ARHGAP15: variants seen among roughly 807,000 people sequenced by gnomAD.
ARHGAP15 encodes the protein Rho GTPase activating protein 15, also known as rho GTPase-activating protein 15.
In ARHGAP15, 51 loss-of-function variants were observed where a neutral mutation model predicts 63.7. The ratio of observed to expected loss-of-function variants is 0.80; its 90% CI spans 0.64 to 1.01. ARHGAP15 has a LOEUF of 1.01. Among genes scored for constraint, ARHGAP15 ranks in the 50% least tolerant of loss-of-function variants. The pLI, the probability that ARHGAP15 is intolerant of heterozygous loss-of-function variation, is 0.00. For synonymous variants in ARHGAP15, 191 were observed against 193.8 expected (o/e 0.99, Z 0.12); for missense variants, 560 against 564.6 (o/e 0.99, Z 0.08).
At chr2:143,593,529 T>C (rs546683162) in intron 11 of ARHGAP15, among the ~76,000 whole-genome samples, 1 of 152,334 alleles carries the variant, frequency 6.6e-6, no homozygotes, top group Admixed American at 6.5e-5. Flanking sequence ...TTGTTAGGTT[T>C]ATAGGATTCA....
At chr2:143,187,581 G>C (rs560185068) in intron 2 of ARHGAP15, among the ~76,000 whole-genome samples, 3 of 152,330 alleles carry the variant, frequency 2.0e-5, no homozygotes, top group Non-Finnish European at 4.4e-5. Flanking sequence ...CCATCTTGTA[G>C]ATGAGGAGAC....
At chr2:143,333,085 T>C (rs1043185111) in intron 6 of ARHGAP15, among the ~76,000 whole-genome samples, 1 of 151,996 alleles carries the variant, frequency 6.6e-6, no homozygotes, top group African/African-American at 2.4e-5. Context: ...ATATTCTATA[T>C]AATTAAATAA....
intron 5 of ARHGAP15, among the ~76,000 whole-genome samples, chr2:143,242,700 T>C (rs920107319): frequency 6.6e-6 from 1 of 152,224 alleles, no homozygotes; most frequent in African/African-American, 2.4e-5. Flanking sequence ...TATATTCATA[T>C]ACATAAAACC....
chr2:143,537,169 A>C (rs917719943), intron 10 of ARHGAP15, among the ~76,000 whole-genome samples: 1 of 152,182 alleles, frequency 6.6e-6, no homozygotes, highest in African/African-American at 2.4e-5. Context: ...GGCTGCATAA[A>C]TGTCTTCTTT....
intron 10 of ARHGAP15, among the ~76,000 whole-genome samples, chr2:143,538,993 G>C (rs1181622584): frequency 6.6e-6 from 1 of 152,198 alleles, no homozygotes; most frequent in Non-Finnish European, 1.5e-5. Flanking sequence ...GAATTCGGCT[G>C]TGAATCCATC....
intron 6 of ARHGAP15, among the ~76,000 whole-genome samples, chr2:143,378,454 A>G (rs2104933855): frequency 1.3e-5 from 2 of 152,166 alleles, no homozygotes; most frequent in Non-Finnish European, 2.9e-5. Flanking sequence ...ATAGTAATAT[A>G]CTGGATCAAA....
chr2:143,596,895 A>T (rs1427922060), intron 11 of ARHGAP15, among the ~76,000 whole-genome samples: 1 of 152,136 alleles, frequency 6.6e-6, no homozygotes, highest in South Asian at 2.1e-4. Flanking sequence ...GTATCTATGT[A>T]TCTTCACAAA....
At chr2:143,663,483 A>G (rs556971487) in intron 12 of ARHGAP15, among the ~76,000 whole-genome samples, 10 of 144,726 alleles carry the variant, frequency 6.9e-5, no homozygotes, top group South Asian at 2.4e-4. Context: ...AAAGACCATC[A>G]AGACTAGGAA....
In ARHGAP15 at chr2:143,283,333, CT is replaced by C. The variant is rs559697939; in HGVS notation, c.474+32734del. On this transcript the variant is annotated intron_variant, in intron 6 of 13. Coordinates refer to ENST00000295095, the MANE Select transcript of ARHGAP15 (RefSeq NM_018460.4). ...ATTTAAGGGACAAGTAAGGAACTCT[CT>C]CCTCATCTTTTAAAAATATAGGTGA... is the stretch of plus-strand genomic sequence containing the variant. Among the ~76,000 whole-genome samples the C allele has an allele frequency of 3.4e-3, 524 of 152,268 alleles. 1 individual carries two copies. Among genetic ancestry groups the C allele is most frequent in the African/African-American group, 0.012 (486 of 41,548 alleles).
chr2:143,361,859 TG>T (rs562087514), intron 6 of ARHGAP15, among the ~76,000 whole-genome samples: 1 of 152,188 alleles, frequency 6.6e-6, no homozygotes, highest in Non-Finnish European at 1.5e-5. Context: ...TTTTTCTAGT[TG>T]TTCACTGTTA....
chr2:143,658,557 G>A lies in ARHGAP15; in HGVS notation c.1138+34290G>A, dbSNP rs79978363. On this transcript the variant is annotated intron_variant, in intron 12 of 13. Coordinates refer to ENST00000295095, the MANE Select transcript of ARHGAP15 (RefSeq NM_018460.4). ...GAAAGAGGCAATTTTTTGGCTCATG[G>A]AACTAGATATCCAGAGGTAGGGTAA... Among the ~76,000 whole-genome samples, 1,446 of 152,236 alleles carry A rather than the reference G, an allele frequency of 9.5e-3. 31 individuals are homozygous for A. Among genetic ancestry groups the A allele is most frequent in the African/African-American group, 0.033 (1,361 of 41,540 alleles).
intron 11 of ARHGAP15, among the ~76,000 whole-genome samples, chr2:143,623,470 C>T (rs756302192): frequency 3.3e-5 from 5 of 152,010 alleles, no homozygotes; most frequent in Non-Finnish European, 7.4e-5. Context: ...GCATAGCCTA[C>T]GTAGGCCAAC....
intron 11 of ARHGAP15, chr2:143,564,025 G>A (rs1696128525): frequency 6.6e-6 from 1 of 152,266 alleles, no homozygotes; most frequent in South Asian, 2.1e-4. Context: ...TTCTCATCTA[G>A]AGGCTCAACT....
intron 2 of ARHGAP15, among the ~76,000 whole-genome samples, chr2:143,180,748 A>C (rs1023867895): frequency 6.6e-6 from 1 of 152,076 alleles, no homozygotes; most frequent in Admixed American, 6.5e-5. Context: ...ATCTCGGCTA[A>C]CTGCAAGCTC....
chr2:143,455,850 A>T (rs544235624), intron 8 of ARHGAP15, among the ~76,000 whole-genome samples: 2 of 152,204 alleles, frequency 1.3e-5, no homozygotes, highest in Admixed American at 1.3e-4. Context: ...AAATGCTCCA[A>T]TCTTGAGTCC....
At chr2:143,223,572 G>A (rs1693083763) in intron 4 of ARHGAP15, among the ~76,000 whole-genome samples, 1 of 152,204 alleles carries the variant, frequency 6.6e-6, no homozygotes, top group African/African-American at 2.4e-5. Flanking sequence ...TTTGCCTGCT[G>A]ACCATCATGA....
At chr2:143,430,456 A>G (rs572047595) in intron 6 of ARHGAP15, among the ~76,000 whole-genome samples, 53 of 152,208 alleles carry the variant, frequency 3.5e-4, no homozygotes, top group African/African-American at 1.3e-3. Context: ...AACACCTTTG[A>G]GACCAAGTAA....
chr2:143,753,060 G>A (rs1186085715), intron 13 of ARHGAP15, among the ~76,000 whole-genome samples: 2 of 152,158 alleles, frequency 1.3e-5, no homozygotes, highest in African/African-American at 2.4e-5. Flanking sequence ...CGGGAAGATC[G>A]CTTGACCCAA....
At chr2:143,767,844 C>G in intron 13 of ARHGAP15, 145 bp from the exon 14 acceptor site, 5 of 784,820 alleles carry the variant, frequency 6.4e-6, no homozygotes, top group Non-Finnish European at 9.8e-6. Context: ...TACTTCCATA[C>G]AGTAAAGTAT....
Sources: allele counts gnomAD v4.1 joint callset (sites outside exome capture counted in the v4.1 genomes callset), GRCh38; gene constraint gnomAD v4.1.1; transcripts MANE v1.5; gene names NCBI Gene and HGNC (gene_info 2026-07-23, HGNC 2026-07-21).